Variants in PLEKHJ1 observed in about 807,000 individuals in gnomAD.
PLEKHJ1 encodes the protein pleckstrin homology domain containing J1.
In PLEKHJ1, 20 loss-of-function variants were observed where a neutral mutation model predicts 21.7. The observed-to-expected ratio is 0.92, with a 90% CI of 0.65 to 1.34. PLEKHJ1 has a LOEUF of 1.34. PLEKHJ1 is among the 40% of genes most tolerant of loss of function. The pLI, the probability that PLEKHJ1 is intolerant of heterozygous loss-of-function variation, is 0.00. For synonymous variants in PLEKHJ1, 113 were observed against 80.6 expected (o/e 1.40, Z -2.15); for missense variants, 241 against 202.0 (o/e 1.19, Z -1.17).
downstream of PLEKHJ1, chr19:2,230,742 C>G (rs73516534): frequency 2.5e-6 from 1 of 397,500 alleles, no homozygotes; most frequent in African/African-American, 2.1e-5. Context: ...GAAAGAAAAG[C>G]GAGGGGAAAA....
chr19:2,230,666 G>A (rs1035947634), downstream of PLEKHJ1: 3 of 398,250 alleles, frequency 7.5e-6, no homozygotes, highest in African/African-American at 2.1e-5. Context: ...GAGATGTGAT[G>A]AGAATTTATA....
intron 5 of PLEKHJ1, 24 bp downstream of exon 5, chr19:2,233,974 G>C: frequency 6.2e-7 from 1 of 1,611,774 alleles, no homozygotes; most frequent in Non-Finnish European, 8.5e-7. Flanking sequence ...GCCCCACCCC[G>C]GCCCTCTGCA....
chr19:2,231,193 G>A (rs564867489), downstream of PLEKHJ1: 28 of 228,062 alleles, frequency 1.2e-4, no homozygotes, highest in African/African-American at 5.8e-4. Flanking sequence ...GGGAGTCTGA[G>A]CTCCCCGCAT....
At chr19:2,231,695 C>CG (rs990177688), downstream of PLEKHJ1, 1 of 213,892 alleles carries the variant, frequency 4.7e-6, no homozygotes, top group African/African-American at 2.3e-5. Context: ...TGTGTCGCCA[C>CG]GGGCCGGATA....
At chr19:2,231,154 C>G (rs936060026), downstream of PLEKHJ1, 12 of 227,874 alleles carry the variant, frequency 5.3e-5, no homozygotes, top group African/African-American at 2.7e-4. Flanking sequence ...GCAGTGGTGG[C>G]TCTGTGCCCT....
chr19:2,235,237 C>T (rs996173488), intron 3 of PLEKHJ1: 4 of 152,756 alleles, frequency 2.6e-5, no homozygotes, highest in East Asian at 1.9e-4. Context: ...TCTAGGATTT[C>T]TGGCCTCCAG....
chr19:2,233,849 C>T lies in PLEKHJ1; in HGVS notation c.441G>A (p.Leu147=), dbSNP rs1472946790. 1.2e-6 allele frequency: 2 copies of T among 1,609,736 alleles called. No individual in the cohort carries two copies. The highest frequency in any genetic ancestry group is 4.5e-5 in the East Asian group (2 of 44,812). The change falls in exon 6 of 6, where the codon TTG becomes TTA. Residue 147 remains leucine (L), a synonymous_variant. Transcript: ENST00000326631. ...SEEARFQLSG[L]QA is the part of the protein sequence containing the mutation. ...CCACCGTGCCCTGCGCTCACGCCTG[C>T]AAGCCACTCAGCTGGAACCTGGCCT...
At chr19:2,234,282 A>C in intron 3 of PLEKHJ1, 42 bp from the exon 4 acceptor site, 1 of 1,492,814 alleles carries the variant, frequency 6.7e-7, no homozygotes, top group South Asian at 1.1e-5. Context: ...CCACAGCCAC[A>C]AGCAGCTTCC....
chr19:2,230,167 C>G (rs1042819173), downstream of PLEKHJ1: 3 of 490,132 alleles, frequency 6.1e-6, no homozygotes, highest in African/African-American at 2.0e-5. Flanking sequence ...CCGGTGCTAT[C>G]TCGTCCCCAG....
chr19:2,235,037 A>C (rs1392623309), intron 3 of PLEKHJ1: 1 of 152,164 alleles, frequency 6.6e-6, no homozygotes, highest in African/African-American at 2.4e-5. Flanking sequence ...TGAAGTAAAA[A>C]GGGGTTGTCA....
downstream of PLEKHJ1, chr19:2,230,316 G>A (rs777267164): frequency 2.4e-6 from 1 of 416,560 alleles, no homozygotes; most frequent in Non-Finnish European, 4.2e-6. Flanking sequence ...CACATTCCTC[G>A]GAGGCCTCCC....
downstream of PLEKHJ1, chr19:2,230,304 A>G (rs112656439): frequency 7.2e-6 from 3 of 415,324 alleles, no homozygotes; most frequent in Non-Finnish European, 1.3e-5. Context: ...GCCCGTCGCC[A>G]CCACATTCCT....
At chr19:2,232,401 G>T (rs2024644974), downstream of PLEKHJ1, 1 of 220,330 alleles carries the variant, frequency 4.5e-6, no homozygotes, top group Admixed American at 5.8e-5. Context: ...CACGCTGCTG[G>T]TCTGTGTCAG....
Position 2,235,702 on chromosome 19 carries a change from G to C in PLEKHJ1, c.229+60C>G, listed in dbSNP as rs979974026. 3.4e-6 allele frequency: 5 copies of C among 1,467,518 alleles called. No individual in the cohort carries two copies. The African/African-American group carries it at 7.1e-5, about 21-fold the overall frequency. The allele number at this position is 1,467,518 out of a possible 1,614,324, so 90.9% of individuals were successfully genotyped here. ...CTTGGGCGCCCGGGGAGGGGAAAGT[G>C]CGGCGCTGCGGGTGCCCCGGGCTGC... On this transcript the variant is annotated intron_variant, in intron 3 of 5. Coordinates refer to ENST00000326631, the MANE Select transcript of PLEKHJ1 (RefSeq NM_018049.3).
At chr19:2,230,619 A>G (rs1191893625), downstream of PLEKHJ1, 6 of 398,540 alleles carry the variant, frequency 1.5e-5, no homozygotes, top group Admixed American at 4.4e-5. Flanking sequence ...GTTTCTGTAC[A>G]GGAGAGAGTC....
chr19:2,231,812 G>A (rs749856645), downstream of PLEKHJ1: 111 of 218,092 alleles, frequency 5.1e-4, no homozygotes, highest in Middle Eastern at 4.3e-3. Context: ...GTGGCAGTCC[G>A]GGTGCCATCA....
downstream of PLEKHJ1, chr19:2,231,071 CG>C: frequency 4.3e-6 from 1 of 233,172 alleles, no homozygotes; most frequent in Non-Finnish European, 8.5e-6. Flanking sequence ...GAGCTGAGGC[CG>C]GGGTGTAGCA....
chr19:2,232,468 G>A (rs141286902), downstream of PLEKHJ1: 306 of 222,406 alleles, frequency 1.4e-3, 1 homozygote, highest in African/African-American at 5.6e-3. Context: ...TTTGGATTGC[G>A]CGCATTGTCA....
chr19:2,236,096 A>G, intron 1 of PLEKHJ1, 59 bp downstream of exon 1: 3 of 1,332,206 alleles, frequency 2.3e-6, no homozygotes, highest in Non-Finnish European at 2.9e-6. Flanking sequence ...ACCCCCGCCC[A>G]GACCCCGGCC....
Sources: allele counts gnomAD v4.1 joint callset, GRCh38; gene constraint gnomAD v4.1.1; transcripts MANE v1.5; gene names NCBI Gene and HGNC (gene_info 2026-07-23, HGNC 2026-07-21).